EPB41L5: variants seen among roughly 807,000 people sequenced by gnomAD.
The protein encoded by EPB41L5 is erythrocyte membrane protein band 4.1 like 5, also known as band 4.1-like protein 5.
Under a neutral mutation model 106.6 loss-of-function variants are expected in EPB41L5, and 55 were observed. That is an observed-to-expected ratio of 0.52 (90% CI 0.42 to 0.65). The LOEUF (loss-of-function observed/expected upper bound fraction) is 0.65. Among genes scored for constraint, EPB41L5 ranks in the 30% least tolerant of loss-of-function variants. The pLI, the probability that EPB41L5 is intolerant of heterozygous loss-of-function variation, is 0.00. For synonymous variants in EPB41L5, 297 were observed against 306.7 expected (o/e 0.97, Z 0.33); for missense variants, 871 against 882.1 (o/e 0.99, Z 0.16).
chr2:120,099,490 C>T (rs1193118968), intron 14 of EPB41L5, among the ~76,000 whole-genome samples: 3 of 151,790 alleles, frequency 2.0e-5, no homozygotes, highest in Non-Finnish European at 2.9e-5. Context: ...TGCAGTGGCA[C>T]GATCTCAGCT....
chr2:120,118,300 G>T (rs1026414874), intron 16 of EPB41L5, among the ~76,000 whole-genome samples: 3 of 152,096 alleles, frequency 2.0e-5, no homozygotes, highest in African/African-American at 7.2e-5. Flanking sequence ...ACATAGAAAA[G>T]AATAAAATTG....
intron 14 of EPB41L5, 113 bp downstream of exon 14, chr2:120,093,389 C>A: frequency 1.2e-6 from 1 of 848,954 alleles, no homozygotes; most frequent in Non-Finnish European, 2.0e-6. Context: ...CGTAAAGCAC[C>A]AGGGATATGT....
intron 16 of EPB41L5, among the ~76,000 whole-genome samples, chr2:120,119,635 T>C (rs1450821371): frequency 6.6e-6 from 1 of 151,556 alleles, no homozygotes; most frequent in Non-Finnish European, 1.5e-5. Flanking sequence ...TTCTTTCTCT[T>C]TTTTTTTAAC....
At chr2:120,159,715 A>G (rs1480427050) in intron 20 of EPB41L5, among the ~76,000 whole-genome samples, 1 of 152,182 alleles carries the variant, frequency 6.6e-6, no homozygotes, top group South Asian at 2.1e-4. Context: ...ACATAGACCA[A>G]TGGAACAGAA....
intron 21 of EPB41L5, among the ~76,000 whole-genome samples, chr2:120,163,391 AC>A (rs1687225744): frequency 6.6e-6 from 1 of 151,096 alleles, no homozygotes; most frequent in South Asian, 2.1e-4. Context: ...ATTCTCCCAG[AC>A]CCCCTCCCTC....
Position 120,078,544 on chromosome 2 carries a change from G to A in EPB41L5, c.766G>A (p.Val256Ile), listed in dbSNP as rs751521145. 1 of 1,606,464 alleles carries A rather than the reference G, an allele frequency of 6.2e-7. No individual in the cohort carries two copies. Among genetic ancestry groups the A allele is most frequent in the South Asian group, 1.1e-5 (1 of 90,102 alleles). ...SLGLTPTGVL[V>I]FEGDTKIGLF... ...GGGACTAACACCAACAGGAGTCCTTGTTTTTGAAGGAGATACCAAAATTGG... is the reference window on the plus strand; with the variant it reads ...GGGACTAACACCAACAGGAGTCCTTATTTTTGAAGGAGATACCAAAATTGG... The change falls in exon 10 of 25, where the codon GTT (valine) becomes ATT (isoleucine). Residue 256 changes from valine to isoleucine, a missense_variant. Coordinates refer to ENST00000263713, the MANE Select transcript of EPB41L5 (RefSeq NM_020909.4).
chr2:120,130,862 CCT>C (rs1685658012), intron 17 of EPB41L5, among the ~76,000 whole-genome samples: 1 of 152,154 alleles, frequency 6.6e-6, no homozygotes, highest in Non-Finnish European at 1.5e-5. Context: ...AAAGTTTCCC[CCT>C]CTTTTCTTCT....
intron 3 of EPB41L5, among the ~76,000 whole-genome samples, chr2:120,060,933 C>G (rs1036596078): frequency 6.7e-5 from 10 of 150,248 alleles, no homozygotes; most frequent in African/African-American, 2.4e-4. Flanking sequence ...CAAACCATGT[C>G]TCGGGAGCAA....
intron 21 of EPB41L5, 71 bp from the exon 22 acceptor site, chr2:120,164,765 G>A (rs1368825603): frequency 3.0e-6 from 3 of 1,010,750 alleles, no homozygotes; most frequent in Non-Finnish European, 1.5e-6. Context: ...TAAATTGAGA[G>A]GATATGGAAA....
intron 24 of EPB41L5, among the ~76,000 whole-genome samples, chr2:120,170,564 T>C (rs1038132012): frequency 2.6e-5 from 4 of 152,250 alleles, no homozygotes; most frequent in African/African-American, 9.6e-5. Context: ...CTTACTTTAT[T>C]CTAGCATGCA....
chr2:120,040,899 AT>A (rs1176374150), intron 2 of EPB41L5, among the ~76,000 whole-genome samples: 1 of 152,130 alleles, frequency 6.6e-6, no homozygotes, highest in African/African-American at 2.4e-5. Context: ...CTATATGTTC[AT>A]TTTTTAATAG....
intron 22 of EPB41L5, among the ~76,000 whole-genome samples, chr2:120,165,476 G>A (rs1424121961): frequency 6.6e-6 from 1 of 152,176 alleles, no homozygotes; most frequent in African/African-American, 2.4e-5. Flanking sequence ...GTAAATGCTG[G>A]TAAACAGTTG....
chr2:120,112,963 C>T (rs1426256156), intron 16 of EPB41L5, among the ~76,000 whole-genome samples: 1 of 152,148 alleles, frequency 6.6e-6, no homozygotes, highest in Non-Finnish European at 1.5e-5. Flanking sequence ...TGTACTGCCT[C>T]CATAACTCTG....
intron 2 of EPB41L5, among the ~76,000 whole-genome samples, chr2:120,033,907 A>T (rs1678881062): frequency 6.6e-6 from 1 of 151,016 alleles, no homozygotes; most frequent in African/African-American, 2.4e-5. Context: ...CAGTCTGGGT[A>T]ACATTATGAG....
chr2:120,134,890 T>C (rs1685859758), intron 18 of EPB41L5, among the ~76,000 whole-genome samples: 1 of 152,112 alleles, frequency 6.6e-6, no homozygotes, highest in African/African-American at 2.4e-5. Flanking sequence ...AACTCTTTAA[T>C]GCCCAGACAT....
intron 2 of EPB41L5, among the ~76,000 whole-genome samples, chr2:120,037,309 A>C (rs1167119253): frequency 6.6e-6 from 1 of 152,208 alleles, no homozygotes; most frequent in Non-Finnish European, 1.5e-5. Context: ...TTGGAGACTT[A>C]ATCTTGTTAA....
intron 10 of EPB41L5, 109 bp downstream of exon 10, chr2:120,078,690 T>A: frequency 1.5e-6 from 1 of 662,732 alleles, no homozygotes; most frequent in South Asian, 1.9e-5. Flanking sequence ...GAAAAACTTG[T>A]CAATGAAAGC....
chr2:120,119,537 T>G (rs1685112378), intron 16 of EPB41L5, among the ~76,000 whole-genome samples: 1 of 152,180 alleles, frequency 6.6e-6, no homozygotes, highest in African/African-American at 2.4e-5. Flanking sequence ...TTGTATATGG[T>G]ATAAGGAAGG....
intron 3 of EPB41L5, among the ~76,000 whole-genome samples, chr2:120,070,190 A>G (rs144016613): frequency 6.6e-6 from 1 of 152,202 alleles, no homozygotes; most frequent in African/African-American, 2.4e-5. Context: ...CCATCAGAAA[A>G]TATTGTAAAC....
Sources: allele counts gnomAD v4.1 joint callset (sites outside exome capture counted in the v4.1 genomes callset), GRCh38; gene constraint gnomAD v4.1.1; transcripts MANE v1.5; gene names NCBI Gene and HGNC (gene_info 2026-07-23, HGNC 2026-07-21).